RUVBL2: variants seen among roughly 807,000 people sequenced by gnomAD.
RUVBL2 encodes ruvB-like 2.
In RUVBL2, 9 loss-of-function variants were observed where a neutral mutation model predicts 57.9. The observed-to-expected ratio is 0.16, with a 90% CI of 0.09 to 0.27. The LOEUF is 0.27. Ranked by LOEUF, RUVBL2 falls within the 10% of genes least tolerant of loss-of-function variation. The pLI is 1.00. For missense variants in RUVBL2, 456 were observed against 669.6 expected (o/e 0.68, Z 3.52); for synonymous variants, 278 against 264.6 (o/e 1.05, Z -0.49).
intron 2 of RUVBL2, among the ~76,000 whole-genome samples, chr19:49,000,205 A>G (rs951412850): frequency 1.3e-5 from 2 of 152,242 alleles, no homozygotes; most frequent in African/African-American, 4.8e-5. Flanking sequence ...AAGATTCAGT[A>G]AGGTAGTTCA....
At chr19:49,002,761 T>G (rs2039208798) in intron 2 of RUVBL2, among the ~76,000 whole-genome samples, 1 of 152,026 alleles carries the variant, frequency 6.6e-6, no homozygotes, top group African/African-American at 2.4e-5. Flanking sequence ...ATTTTTGTAT[T>G]TTTAGTAGAG....
At chr19:49,014,873 G>T in intron 12 of RUVBL2, 148 bp from the exon 13 acceptor site, 1 of 1,223,220 alleles carries the variant, frequency 8.2e-7, no homozygotes, top group Non-Finnish European at 1.1e-6. Flanking sequence ...CTGTCTCCGT[G>T]GCTCTTCTAG....
At chr19:49,004,558 A>G (rs564650381) in intron 4 of RUVBL2, 140 bp downstream of exon 4, 19 of 848,184 alleles carry the variant, frequency 2.2e-5, no homozygotes, top group African/African-American at 8.6e-5. Context: ...ATTCTTGCCC[A>G]TGGAAGAATC....
chr19:49,000,100 T>C (rs539384456), intron 2 of RUVBL2, among the ~76,000 whole-genome samples: 716 of 152,360 alleles, frequency 4.7e-3, no homozygotes, highest in South Asian at 0.01. Flanking sequence ...GCTCTGCCAC[T>C]TTCCCACCAT....
Position 49,010,032 on chromosome 19 carries a change from C to G in RUVBL2, c.629C>G (p.Thr210Arg). 6.3e-7 allele frequency: 1 copy of G among 1,593,994 alleles called. No individual in the cohort carries two copies. The highest frequency in any genetic ancestry group is 8.6e-7 in the Non-Finnish European group (1 of 1,169,124). Residue 210 changes from threonine (T) to arginine (R), a missense_variant, in exon 8 of 15, where the codon ACA becomes AGA. Transcript: ENST00000595090. The part of the protein sequence containing the change: ...GKISKLGRSF[T>R]RARDYDAMGS... ...ATCTCCAAGCTGGGCCGCTCCTTCA[C>G]ACGCGCCCGCGACTACGACGCTATG...
chr19:49,012,572 C>G (rs1370474624), intron 11 of RUVBL2, among the ~76,000 whole-genome samples: 1 of 152,200 alleles, frequency 6.6e-6, no homozygotes, highest in Non-Finnish European at 1.5e-5. Context: ...ATCTGAGAAT[C>G]TCGCTTGCTA....
rs780844276 is a variant in RUVBL2, at chr19:49,011,076, G to A, written c.865G>A (p.Ala289Thr). 2.4e-5 allele frequency: 39 copies of A among 1,613,370 alleles called. No homozygotes were observed. The Middle Eastern group carries it at 6.6e-4, about 27-fold the overall frequency. Residue 289 changes from alanine to threonine, a missense_variant, in exon 10 of 15, where the codon GCG (alanine) becomes ACG (threonine). Physicochemically the swap from Ala to Thr is moderately conservative, Grantham distance 58. Transcript: ENST00000595090. This position sits in a 1 kb window ranked among gnomAD's most constrained non-coding sequence, Gnocchi z 4.4. ...KVAEWREEGK[A>T]EIIPGVLFID... ...GGCTGAGTGGCGCGAGGAGGGCAAG[G>A]CGGAGATCATCCCTGGAGTGAGGAC...
In RUVBL2 at chr19:49,007,074, A is replaced by T; in HGVS notation, c.322A>T (p.Ile108Phe). ...ATTCACAGCCATCGCCGGCAGTGAA[A>T]TCTTCTCCCTGGAGATGAGCAAGAC... ...TPFTAIAGSE[I>F]FSLEMSKTEA... The change falls in exon 5 of 15, where the codon ATC becomes TTC. Residue 108 changes from isoleucine to phenylalanine, a missense_variant. Ile to Phe is a conservative substitution (Grantham distance 21). Transcript: ENST00000595090. 1 of 1,613,228 alleles carries T rather than the reference A, an allele frequency of 6.2e-7. No individual in the cohort carries two copies. The highest frequency in any genetic ancestry group is 1.3e-5 in the African/African-American group (1 of 75,058).
Position 49,004,437 on chromosome 19 carries a change from C to T in RUVBL2, c.265+19C>T. On this transcript the variant is annotated intron_variant, in intron 4 of 14. Coordinates refer to ENST00000595090, the MANE Select transcript of RUVBL2 (RefSeq NM_006666.3). ...GCCATGGGTAAGAAACCTCCCAGGG[C>T]AGGAACTCTCCTGTTTCCTGCTAAA... 1 of 1,604,736 alleles carries T rather than the reference C, an allele frequency of 6.2e-7. No individual in the cohort carries two copies. Among genetic ancestry groups the T allele is most frequent in the Non-Finnish European group, 8.5e-7 (1 of 1,176,162 alleles).
Position 49,015,829 on chromosome 19 carries a change from T to G in RUVBL2, c.1379T>G (p.Met460Arg), listed in dbSNP as rs201720780. The G allele has an allele frequency of 6.2e-7, 1 of 1,614,072 alleles. No homozygotes were observed. The highest frequency in any genetic ancestry group is 1.3e-5 in the African/African-American group (1 of 74,936). The change falls in exon 15 of 15, where the codon ATG (methionine) becomes AGG (arginine). Residue 460 changes from methionine (M) to arginine (R), a missense_variant. This residue lies in a region of RUVBL2 where 67 missense variants were observed against 71.5 expected (regional missense o/e 0.94). Coordinates refer to ENST00000595090, the MANE Select transcript of RUVBL2 (RefSeq NM_006666.3). ...CTTCTCCCCACAGAAGGCGAGACCA[T>G]GGACACCTCCTGAGTTGGATGTCAT... ...FLFNELKGET[M>R]DTS is the part of the protein sequence containing the mutation.
chr19:49,001,955 G>T (rs2039192051), intron 2 of RUVBL2, among the ~76,000 whole-genome samples: 1 of 152,018 alleles, frequency 6.6e-6, no homozygotes, highest in African/African-American at 2.4e-5. Flanking sequence ...TCCTTCCTCT[G>T]TTGAAACTAC....
chr19:49,003,135 C>T, intron 2 of RUVBL2, 144 bp from the exon 3 acceptor site: 2 of 743,170 alleles, frequency 2.7e-6, no homozygotes, highest in Non-Finnish European at 4.8e-6. Flanking sequence ...ATATCCTTTC[C>T]ATGTGCCCCT....
At chr19:49,006,113 G>C (rs2039277409) in intron 4 of RUVBL2, among the ~76,000 whole-genome samples, 1 of 152,256 alleles carries the variant, frequency 6.6e-6, no homozygotes, top group African/African-American at 2.4e-5. Context: ...GGTGTCCCCA[G>C]ATGGCATGGG....
At chr19:48,993,566 G>A (rs1002881680), upstream of RUVBL2, 2 of 477,856 alleles carry the variant, frequency 4.2e-6, no homozygotes, top group East Asian at 3.9e-5. Flanking sequence ...AAAGTGGGGA[G>A]GAGGAGGAGG....
At chr19:49,000,618 A>G (rs945875186) in intron 2 of RUVBL2, among the ~76,000 whole-genome samples, 1 of 151,926 alleles carries the variant, frequency 6.6e-6, no homozygotes, top group Non-Finnish European at 1.5e-5. Flanking sequence ...TAATCCCAGC[A>G]CTTTGGGAGG....
chr19:49,007,143 A>G lies in RUVBL2; in HGVS notation c.391A>G (p.Ile131Val), dbSNP rs1360865817. 2 of 1,613,230 alleles carry G rather than the reference A, an allele frequency of 1.2e-6. No individual in the cohort carries two copies. The highest frequency in any genetic ancestry group is 1.3e-5 in the African/African-American group (1 of 74,948). Residue 131 changes from isoleucine (I) to valine (V), a missense_variant, in exon 5 of 15, where the codon ATC becomes GTC. By Grantham distance (29) the Ile-to-Val change is conservative. Transcript: ENST00000595090. ...QAFRRSIGVR[I>V]KEETEIIEGE... ...CTTCCGGCGGTCCATCGGCGTTCGCATCAAGTAAGCGGGGGACCCGAGGCG... is the reference window on the plus strand; with the variant it reads ...CTTCCGGCGGTCCATCGGCGTTCGCGTCAAGTAAGCGGGGGACCCGAGGCG...
chr19:49,013,174 G>A (rs960950311), intron 11 of RUVBL2, among the ~76,000 whole-genome samples: 38 of 152,098 alleles, frequency 2.5e-4, no homozygotes, highest in African/African-American at 8.7e-4. Context: ...ATATTGGCCA[G>A]GCTGGTCTCG....
chr19:49,010,477 C>CCCCCCCCCCCA lies in RUVBL2; in HGVS notation c.664-10_664-9insCCCCCCCCCAC. On this transcript the variant is annotated splice_polypyrimidine_tract_variant and intron_variant, in intron 8 of 14. Coordinates refer to ENST00000595090, the MANE Select transcript of RUVBL2 (RefSeq NM_006666.3). ...TGTCTCCGCCGTTCTTCCCCCACCCCCGCCCCATAGACCAAGTTCGTGCAG... is the reference window on the plus strand; with the variant it reads ...TGTCTCCGCCGTTCTTCCCCCACCCCCCCCCCCCCCACGCCCCATAGACCAAGTTCGTGCAG... 6.3e-7 allele frequency: 1 copy of CCCCCCCCCCCA among 1,575,666 alleles called. No homozygotes were observed.
intron 2 of RUVBL2, among the ~76,000 whole-genome samples, chr19:49,002,088 G>C (rs954405953): frequency 1.4e-5 from 2 of 145,862 alleles, no homozygotes; most frequent in African/African-American, 5.1e-5. Context: ...TCACTGTGTT[G>C]CCCAGGCTGG....
Sources: gnomAD v4.1 joint callset for allele counts (sites outside exome capture counted in the v4.1 genomes callset) on GRCh38, gnomAD v4.1.1 for gene constraint, gnomAD v4.1.1 regional missense constraint, Gnocchi (gnomAD v3.1) non-coding constraint, MANE v1.5 for transcripts, NCBI Gene and HGNC (gene_info 2026-07-23, HGNC 2026-07-21) for gene names.